RFX3: variants seen among roughly 807,000 people sequenced by gnomAD.
The protein encoded by RFX3 is regulatory factor X3, also known as transcription factor RFX3.
A neutral mutation model predicts 98.6 loss-of-function variants in RFX3; 14 were observed. The observed-to-expected ratio is 0.14, with a 90% CI of 0.09 to 0.22. The LOEUF is 0.22. RFX3 is among the 10% of genes least tolerant of loss of function. The pLI is 1.00. For missense variants in RFX3, 639 were observed against 926.9 expected (o/e 0.69, Z 4.03); for synonymous variants, 383 against 328.4 (o/e 1.17, Z -1.80).
chr9:3,447,981 G>C (rs1453293271), intron 1 of RFX3, among the ~76,000 whole-genome samples: 1 of 152,072 alleles, frequency 6.6e-6, no homozygotes, highest in Non-Finnish European at 1.5e-5. Context: ...TGAGCCAATG[G>C]GAAGACAAGG....
At chr9:3,229,594 G>C (rs1371304164) in intron 15 of RFX3, among the ~76,000 whole-genome samples, 1 of 152,148 alleles carries the variant, frequency 6.6e-6, no homozygotes, top group Non-Finnish European at 1.5e-5. Context: ...AACACATTTT[G>C]AGAATCTCAG....
At position 3,337,867 on chromosome 9, in the gene RFX3, G is replaced by A. The variant is rs372808813; in HGVS notation, c.216-7350C>T. On this transcript the variant is annotated intron_variant, in intron 3 of 16. Coordinates refer to ENST00000617270, the MANE Select transcript of RFX3 (RefSeq NM_001282116.2). Reference sequence around the variant, plus strand: ...TCTGCCTTAAACAGTTTCAAATTATGGAGTTTTTACATGGGCCACCAATAC... The same window carrying A: ...TCTGCCTTAAACAGTTTCAAATTATAGAGTTTTTACATGGGCCACCAATAC... Among the ~76,000 whole-genome samples, 4 of 152,258 alleles carry A rather than the reference G, an allele frequency of 2.6e-5. No individual in the cohort carries two copies. In the East Asian group the frequency reaches 5.8e-4, roughly 22 times the overall value.
intron 1 of RFX3, among the ~76,000 whole-genome samples, chr9:3,408,721 G>T (rs1031447134): frequency 6.6e-6 from 1 of 151,654 alleles, no homozygotes; most frequent in African/African-American, 2.4e-5. Context: ...ACATGCACAC[G>T]CAAATAAACA....
At chr9:3,420,281 C>T (rs1381089196) in intron 1 of RFX3, among the ~76,000 whole-genome samples, 4 of 152,162 alleles carry the variant, frequency 2.6e-5, no homozygotes, top group Admixed American at 1.3e-4. Context: ...ACAGGACATT[C>T]TACGGTTCAT....
At chr9:3,369,055 G>A (rs1837520508) in intron 2 of RFX3, among the ~76,000 whole-genome samples, 1 of 152,180 alleles carries the variant, frequency 6.6e-6, no homozygotes, top group Non-Finnish European at 1.5e-5. Flanking sequence ...ATGACAAGTA[G>A]CTTTGAGCTT....
chr9:3,388,956 T>C (rs1200536099), intron 2 of RFX3, among the ~76,000 whole-genome samples: 1 of 151,900 alleles, frequency 6.6e-6, no homozygotes, highest in African/African-American at 2.4e-5. Context: ...ACAGAGATAG[T>C]AGAGAGGAGG....
intron 11 of RFX3, among the ~76,000 whole-genome samples, chr9:3,268,776 C>T (rs1004481427): frequency 6.6e-6 from 1 of 151,912 alleles, no homozygotes; most frequent in African/African-American, 2.4e-5. Context: ...CTGTTAAACT[C>T]ACAAGTTAAA....
At chr9:3,422,471 T>C (rs551452806) in intron 1 of RFX3, among the ~76,000 whole-genome samples, 11 of 151,772 alleles carry the variant, frequency 7.2e-5, no homozygotes, top group Non-Finnish European at 1.6e-4. Context: ...CCTTACAAGA[T>C]TATTTTGAAT....
chr9:3,428,859 T>A (rs1034318718), intron 1 of RFX3, among the ~76,000 whole-genome samples: 2 of 152,192 alleles, frequency 1.3e-5, no homozygotes, highest in Non-Finnish European at 2.9e-5. Context: ...GTTTCTCAAT[T>A]GTTCTAGATA....
At chr9:3,230,316 G>C (rs1287711500) in intron 15 of RFX3, among the ~76,000 whole-genome samples, 1 of 152,138 alleles carries the variant, frequency 6.6e-6, no homozygotes, top group Non-Finnish European at 1.5e-5. Context: ...GTAATTATTA[G>C]TATGTTTATT....
At chr9:3,507,325 A>C (rs1817199786) in intron 1 of RFX3, among the ~76,000 whole-genome samples, 1 of 151,952 alleles carries the variant, frequency 6.6e-6, no homozygotes, top group Non-Finnish European at 1.5e-5. Flanking sequence ...AGAGAAAAGA[A>C]ATGACAAGGC....
intron 2 of RFX3, among the ~76,000 whole-genome samples, chr9:3,384,238 T>A (rs1009938630): frequency 6.6e-6 from 1 of 152,130 alleles, no homozygotes; most frequent in Non-Finnish European, 1.5e-5. Flanking sequence ...AGTGTATTCC[T>A]CCAATACATA....
chr9:3,385,819 A>G (rs891592879), intron 2 of RFX3, among the ~76,000 whole-genome samples: 2 of 152,134 alleles, frequency 1.3e-5, no homozygotes, highest in African/African-American at 4.8e-5. Flanking sequence ...TCAAATTCCA[A>G]TAAGGTCATC....
At chr9:3,227,022 A>G (rs536374513) in intron 16 of RFX3, among the ~76,000 whole-genome samples, 1 of 152,290 alleles carries the variant, frequency 6.6e-6, no homozygotes, top group African/African-American at 2.4e-5. Flanking sequence ...GGTCCTGAGT[A>G]TGCCCATCTG....
chr9:3,239,945 C>A (rs1819697947), intron 15 of RFX3, among the ~76,000 whole-genome samples: 1 of 152,214 alleles, frequency 6.6e-6, no homozygotes, highest in African/African-American at 2.4e-5. Flanking sequence ...CTCTACCATT[C>A]AGAGGCATGA....
At position 3,420,901 on chromosome 9, in the gene RFX3, T is replaced by A. The variant is rs909949215; in HGVS notation, c.-8-25305A>T. 1.5e-5 allele frequency: 15 copies of A among 984,968 alleles called. No homozygotes were observed. In the African/African-American group the frequency reaches 2.6e-4, roughly 17 times the overall value. The allele number at this position is 984,968 out of a possible 1,614,324, so 61.0% of individuals were successfully genotyped here. A position where few individuals can be genotyped will look rare whatever the true frequency, so the allele number is the denominator to read the frequency against. On this transcript the variant is annotated intron_variant, in intron 1 of 16. Coordinates refer to ENST00000617270, the MANE Select transcript of RFX3 (RefSeq NM_001282116.2). ...CAACCAAAGATATCCTTGGGTCAAATCTGAAACCAGCAAATATGGATCTTT... is the reference window on the plus strand; with the variant it reads ...CAACCAAAGATATCCTTGGGTCAAAACTGAAACCAGCAAATATGGATCTTT...
At chr9:3,401,200 C>T (rs970995106) in intron 1 of RFX3, among the ~76,000 whole-genome samples, 13 of 152,178 alleles carry the variant, frequency 8.5e-5, no homozygotes, top group African/African-American at 2.4e-4. Flanking sequence ...GTGATTAATT[C>T]TGAAGACCTG....
At chr9:3,439,196 C>G (rs1365755366) in intron 1 of RFX3, among the ~76,000 whole-genome samples, 2 of 151,750 alleles carry the variant, frequency 1.3e-5, no homozygotes, top group African/African-American at 2.4e-5. Context: ...GAAATTTATA[C>G]TACTAAATAT....
rs184186188 is a variant in RFX3, at chr9:3,334,918, G to A, written c.216-4401C>T. ...GTGGATCACCTGAGGTCAGGAGTTC[G>A]AGACCAGCCTGGCAAACACGGTGAA... On this transcript the variant is annotated intron_variant, in intron 3 of 16. Coordinates refer to ENST00000617270, the MANE Select transcript of RFX3 (RefSeq NM_001282116.2). Among the ~76,000 whole-genome samples, 388 of 152,068 alleles carry A rather than the reference G, an allele frequency of 2.6e-3. 2 individuals carry two copies. Among genetic ancestry groups the A allele is most frequent in the Non-Finnish European group, 4.2e-3 (284 of 67,994 alleles).
Sources: allele counts gnomAD v4.1 joint callset (sites outside exome capture counted in the v4.1 genomes callset), GRCh38; gene constraint gnomAD v4.1.1; transcripts MANE v1.5; gene names NCBI Gene and HGNC (gene_info 2026-07-23, HGNC 2026-07-21).